The following BMPER variants were observed in gnomAD, a reference collection of about 807,000 sequenced individuals.
The protein encoded by BMPER is BMP-binding endothelial regulator protein.
BMPER carries 45 observed loss-of-function variants against 87.3 expected under a neutral mutation model. The observed-to-expected ratio is 0.52, with a 90% confidence interval of 0.41 to 0.66. BMPER has a LOEUF of 0.66. Ranked by LOEUF, BMPER falls within the 30% of genes least tolerant of loss-of-function variation. The probability of loss-of-function intolerance (pLI) is 0.00; values close to 1 mark genes in which losing one functional copy is unlikely to be tolerated. For synonymous variants in BMPER, 326 were observed against 316.2 expected (o/e 1.03, Z -0.33); for missense variants, 784 against 867.5 (o/e 0.90, Z 1.21).
At chr7:34,075,309 T>C (rs2127972174) in intron 11 of BMPER, among the ~76,000 whole-genome samples, 1 of 152,292 alleles carries the variant, frequency 6.6e-6, no homozygotes, top group Admixed American at 6.5e-5. Context: ...GTATACATAG[T>C]CATTGTAAAC....
rs70997567 is a variant in BMPER, at chr7:34,141,610, CAAAAAAA to C, written c.1746-1602_1746-1596del. On this transcript the variant is annotated intron_variant, in intron 13 of 14. Transcript: ENST00000649409. ...GGGCAACAAGAGTGAAACACCATCT[CAAAAAAA>C]AAAAAAAAAAAAAAAAAGTACAACC... is the stretch of plus-strand genomic sequence containing the variant. Among the ~76,000 whole-genome samples, 22 of 54,998 alleles carry C rather than the reference CAAAAAAA, an allele frequency of 4.0e-4. No homozygotes were observed. In the Admixed American group the frequency reaches 4.5e-3, roughly 11 times the overall value. 36.1% of individuals were successfully genotyped at this position (54,998 alleles called of 152,430 possible). A position where few individuals can be genotyped will look rare whatever the true frequency, so the allele number is the denominator to read the frequency against.
chr7:34,050,496 G>A (rs1295342532), intron 7 of BMPER, among the ~76,000 whole-genome samples: 8 of 152,158 alleles, frequency 5.3e-5, no homozygotes, highest in African/African-American at 1.9e-4. Flanking sequence ...TAGGAAGACA[G>A]CATGTTTTTC....
intron 2 of BMPER, 51 bp downstream of exon 2, chr7:33,906,954 T>G: frequency 6.8e-7 from 1 of 1,474,002 alleles, no homozygotes; most frequent in Non-Finnish European, 9.5e-7. Context: ...TCTGATAAGG[T>G]GAATCCATTA....
At chr7:34,021,839 C>CAAAA in intron 6 of BMPER, among the ~76,000 whole-genome samples, 1 of 151,974 alleles carries the variant, frequency 6.6e-6, no homozygotes, top group African/African-American at 2.4e-5. Flanking sequence ...TCCCTCCATC[C>CAAAA]ATTGAATATT....
chr7:34,033,708 G>T (rs2127952350), intron 6 of BMPER, among the ~76,000 whole-genome samples: 1 of 152,338 alleles, frequency 6.6e-6, no homozygotes, highest in Non-Finnish European at 1.5e-5. Context: ...CTTGGGCATT[G>T]ACCACAGAAG....
At position 33,974,827 on chromosome 7, in the gene BMPER, A is replaced by G. The variant is rs761736664; in HGVS notation, c.576+43A>G. 1.9e-6 allele frequency: 3 copies of G among 1,588,114 alleles called. No individual in the cohort carries two copies. The African/African-American group carries it at 4.0e-5, about 21-fold the overall frequency. ...TGTTCCCAGGGTGTCCTTTGGGCAA[A>G]GCACTTCTTGTACTCACCAAGAGCA... On this transcript the variant is annotated intron_variant, in intron 6 of 14. Coordinates refer to ENST00000649409, the MANE Select transcript of BMPER (RefSeq NM_001365308.1).
At chr7:33,946,658 G>T (rs1271725882) in intron 3 of BMPER, among the ~76,000 whole-genome samples, 1 of 152,152 alleles carries the variant, frequency 6.6e-6, no homozygotes. Flanking sequence ...GTTTGAGGAG[G>T]AGTAGAGGGG....
chr7:34,038,094 A>G (rs913385331), intron 6 of BMPER, among the ~76,000 whole-genome samples: 1 of 152,196 alleles, frequency 6.6e-6, no homozygotes, highest in Non-Finnish European at 1.5e-5. Flanking sequence ...TCCATGTCCT[A>G]ATCTCCAAAA....
At chr7:33,939,589 G>A (rs541142648) in intron 3 of BMPER, among the ~76,000 whole-genome samples, 2 of 152,282 alleles carry the variant, frequency 1.3e-5, no homozygotes, top group Admixed American at 1.3e-4. Flanking sequence ...GAGAGACCAG[G>A]TGGAGGTAAT....
intron 7 of BMPER, among the ~76,000 whole-genome samples, chr7:34,046,995 A>G (rs1787992116): frequency 6.7e-6 from 1 of 149,002 alleles, no homozygotes; most frequent in Admixed American, 6.7e-5. Context: ...TATAATTCCT[A>G]TGTGTAATGA....
intron 14 of BMPER, among the ~76,000 whole-genome samples, chr7:34,145,283 G>A (rs1388983201): frequency 6.6e-6 from 1 of 152,064 alleles, no homozygotes; most frequent in African/African-American, 2.4e-5. Context: ...ACTAGTCTGT[G>A]TTTTTTGAAA....
At chr7:34,059,321 G>A (rs1788369606) in intron 10 of BMPER, among the ~76,000 whole-genome samples, 1 of 152,052 alleles carries the variant, frequency 6.6e-6, no homozygotes, top group Admixed American at 6.5e-5. Context: ...AGGCCGCCGT[G>A]GAGTTTCCAG....
chr7:34,146,106 C>T (rs1791011735), intron 14 of BMPER, among the ~76,000 whole-genome samples: 1 of 152,012 alleles, frequency 6.6e-6, no homozygotes, highest in Non-Finnish European at 1.5e-5. Context: ...ACAGTTGGTA[C>T]ATGAAGAAAT....
chr7:34,135,102 G>A (rs10225677), intron 13 of BMPER, among the ~76,000 whole-genome samples: 3,364 of 152,270 alleles, frequency 0.022, 122 homozygotes, highest in African/African-American at 0.077. Context: ...ATTGGAGAGC[G>A]TCTAAATTAG....
intron 14 of BMPER, among the ~76,000 whole-genome samples, chr7:34,148,984 C>T (rs181089014): frequency 6.6e-6 from 1 of 152,202 alleles, no homozygotes; most frequent in Admixed American, 6.5e-5. Context: ...ATAAAATCCA[C>T]ACTAGGAAAA....
At chr7:34,136,353 G>A (rs10230100) in intron 13 of BMPER, among the ~76,000 whole-genome samples, 123,171 of 152,174 alleles carry the variant, frequency 0.81, 50,073 homozygotes, top group East Asian at 0.95. Flanking sequence ...GGAAAAGAGC[G>A]TGATATTGGA....
intron 2 of BMPER, among the ~76,000 whole-genome samples, chr7:33,911,326 C>A (rs537730934): frequency 6.6e-6 from 1 of 152,190 alleles, no homozygotes; most frequent in East Asian, 1.9e-4. Context: ...GAGCAAATCT[C>A]GTGAGATCAC....
At chr7:34,133,965 CA>C (rs1416056300) in intron 13 of BMPER, among the ~76,000 whole-genome samples, 2 of 151,800 alleles carry the variant, frequency 1.3e-5, no homozygotes, top group African/African-American at 4.8e-5. Flanking sequence ...TTTTTAGAGA[CA>C]AAAAAATATG....
intron 13 of BMPER, among the ~76,000 whole-genome samples, chr7:34,107,252 A>G (rs1000039477): frequency 6.6e-6 from 1 of 152,270 alleles, no homozygotes; most frequent in Non-Finnish European, 1.5e-5. Context: ...AATCAGAATT[A>G]GAATAAATCT....
Sources: gnomAD v4.1 joint callset for allele counts (sites outside exome capture counted in the v4.1 genomes callset) on GRCh38, gnomAD v4.1.1 for gene constraint, MANE v1.5 for transcripts, NCBI Gene and HGNC (gene_info 2026-07-23, HGNC 2026-07-21) for gene names.